The following DNAH12 variants were observed in gnomAD, a reference collection of about 807,000 sequenced individuals.
DNAH12 encodes dynein axonemal heavy chain 12, also known as axonemal beta dynein heavy chain 12.
In DNAH12, 285 loss-of-function variants were observed where a neutral mutation model predicts 371.5. That is an observed-to-expected ratio of 0.77 (90% CI 0.70 to 0.85). The LOEUF is 0.85. Ranked by LOEUF, DNAH12 falls within the 40% of genes least tolerant of loss-of-function variation. The pLI is 0.00. For missense variants in DNAH12, 3,611 were observed against 3,689.4 expected (o/e 0.98, Z 0.55); for synonymous variants, 1,200 against 1,213.0 (o/e 0.99, Z 0.22).
At chr3:57,390,735 A>C (rs1484192422) in intron 45 of DNAH12, among the ~76,000 whole-genome samples, 2 of 151,968 alleles carry the variant, frequency 1.3e-5, no homozygotes, top group East Asian at 3.9e-4. Flanking sequence ...AGTGGCCTTC[A>C]TCATTTGCTT....
At chr3:57,356,488 T>TAAAGAAAG (rs1363080087) in intron 59 of DNAH12, among the ~76,000 whole-genome samples, 12 of 141,660 alleles carry the variant, frequency 8.5e-5, no homozygotes, top group African/African-American at 3.1e-4. Context: ...AATAAATAAA[T>TAAAGAAAG]AAAATAAAGA....
chr3:57,494,195 G>C (rs549774683), intron 11 of DNAH12, among the ~76,000 whole-genome samples: 1 of 152,172 alleles, frequency 6.6e-6, no homozygotes, highest in Admixed American at 6.5e-5. Flanking sequence ...TTCTACCATT[G>C]CACTCCAGTC....
At chr3:57,309,281 A>C in intron 68 of DNAH12, 27 bp from the exon 69 acceptor site, 4 of 1,505,162 alleles carry the variant, frequency 2.7e-6, no homozygotes, top group Non-Finnish European at 2.7e-6. Flanking sequence ...TGAAGATCAC[A>C]AATTATTCTC....
intron 67 of DNAH12, among the ~76,000 whole-genome samples, chr3:57,310,133 T>C (rs1461042388): frequency 6.6e-6 from 1 of 152,196 alleles, no homozygotes; most frequent in Non-Finnish European, 1.5e-5. Flanking sequence ...GGCACTGAGA[T>C]GAGTCTGTAT....
At chr3:57,364,271 T>C (rs2062999761) in intron 57 of DNAH12, among the ~76,000 whole-genome samples, 1 of 152,172 alleles carries the variant, frequency 6.6e-6, no homozygotes, top group Admixed American at 6.6e-5. Context: ...TAACACAGTC[T>C]ACCATGGAAT....
At chr3:57,447,570 A>C (rs1575612443) in intron 25 of DNAH12, among the ~76,000 whole-genome samples, 1 of 152,258 alleles carries the variant, frequency 6.6e-6, no homozygotes, top group Non-Finnish European at 1.5e-5. Flanking sequence ...CTTTAAAAAT[A>C]AGTAAACCAC....
At chr3:57,491,922 C>T (rs1007550988) in intron 11 of DNAH12, among the ~76,000 whole-genome samples, 2 of 152,060 alleles carry the variant, frequency 1.3e-5, no homozygotes, top group African/African-American at 4.8e-5. Context: ...GGGAGGAACA[C>T]TTGAGCCCAG....
At chr3:57,450,071 A>C (rs1197951902) in intron 25 of DNAH12, among the ~76,000 whole-genome samples, 1 of 152,186 alleles carries the variant, frequency 6.6e-6, no homozygotes, top group Non-Finnish European at 1.5e-5. Flanking sequence ...AACATGGTGA[A>C]ACCCTGTCTC....
Position 57,405,014 on chromosome 3 carries a change from T to A in DNAH12, c.6710A>T (p.Glu2237Val), listed in dbSNP as rs1553680545. ...TCTTGTTTTGTGTGTTTGATTATAC[T>A]CATCTAAGCACTGGTCCACAACATC... ...FSDVVDQCLD[E>V]YNQTHKTRMN... is the part of the protein sequence containing the mutation. The change falls in exon 42 of 74, where the codon GAG becomes GTG. Residue 2237 changes from glutamate to valine, a missense_variant. Glu to Val is a moderately radical substitution (Grantham distance 121). Coordinates refer to ENST00000495027, the MANE Select transcript of DNAH12 (RefSeq NM_001366028.2). 2 of 1,535,610 alleles carry A rather than the reference T, an allele frequency of 1.3e-6. No individual in the cohort carries two copies. The highest frequency in any genetic ancestry group is 1.8e-6 in the Non-Finnish European group (2 of 1,142,358).
intron 66 of DNAH12, among the ~76,000 whole-genome samples, chr3:57,312,348 T>C (rs2061599193): frequency 6.6e-6 from 1 of 152,162 alleles, no homozygotes; most frequent in South Asian, 2.1e-4. Context: ...TTCAACTGGG[T>C]TCCTTCCCCT....
intron 34 of DNAH12, among the ~76,000 whole-genome samples, chr3:57,426,313 G>C (rs1274335015): frequency 6.6e-6 from 1 of 152,076 alleles, no homozygotes; most frequent in African/African-American, 2.4e-5. Context: ...TTCCAAGGGA[G>C]GGTTTTAAAT....
intron 62 of DNAH12, 87 bp from the exon 63 acceptor site, chr3:57,323,706 A>T: frequency 7.4e-7 from 1 of 1,344,886 alleles, no homozygotes; most frequent in Admixed American, 3.4e-5. Context: ...CAAAGAATAC[A>T]ATTTGAGCCT....
intron 40 of DNAH12, among the ~76,000 whole-genome samples, chr3:57,407,197 A>G (rs1347697540): frequency 6.6e-6 from 1 of 150,670 alleles, no homozygotes; most frequent in Non-Finnish European, 1.5e-5. Flanking sequence ...GCGCCCAGCC[A>G]ACGTTTTTTA....
At chr3:57,406,921 A>T (rs2064047588) in intron 40 of DNAH12, among the ~76,000 whole-genome samples, 1 of 152,110 alleles carries the variant, frequency 6.6e-6, no homozygotes, top group African/African-American at 2.4e-5. Context: ...TATTTTTGAG[A>T]TGGAGTCTCA....
chr3:57,411,526 CAAAAAAAAAAAAA>C lies in DNAH12; in HGVS notation c.6020+2207_6020+2219del, dbSNP rs57344840. On this transcript the variant is annotated intron_variant, in intron 39 of 73. Coordinates refer to ENST00000495027, the MANE Select transcript of DNAH12 (RefSeq NM_001366028.2). ...TGGGTGACAGAGTGAGACACTGTCT[CAAAAAAAAAAAAA>C]AAAAAAAAAAAAAAAAGAAAGAAAG... Among the ~76,000 whole-genome samples, 89 of 39,156 alleles carry C rather than the reference CAAAAAAAAAAAAA, an allele frequency of 2.3e-3. 6 individuals carry two copies. The South Asian group carries it at 0.052, about 23-fold the overall frequency. The allele number at this position is 39,156 out of a possible 152,430, so 25.7% of individuals were successfully genotyped here. A position where few individuals can be genotyped will look rare whatever the true frequency, so the allele number is the denominator to read the frequency against.
intron 43 of DNAH12, among the ~76,000 whole-genome samples, chr3:57,398,514 A>G (rs1427114845): frequency 6.6e-6 from 1 of 152,224 alleles, no homozygotes; most frequent in African/African-American, 2.4e-5. Context: ...AAACTGTCAA[A>G]AGTCAGATAC....
intron 70 of DNAH12, among the ~76,000 whole-genome samples, chr3:57,299,591 C>T (rs1006369143): frequency 6.6e-6 from 1 of 152,098 alleles, no homozygotes; most frequent in East Asian, 1.9e-4. Context: ...TTGAAACCCT[C>T]ATCTCCAAGG....
intron 2 of DNAH12, 117 bp from the exon 3 acceptor site, chr3:57,524,001 G>T: frequency 1.6e-6 from 1 of 620,942 alleles, no homozygotes; most frequent in Non-Finnish European, 2.5e-6. Context: ...TTATCTTACT[G>T]AATTTTTTAT....
intron 4 of DNAH12, chr3:57,520,068 GGCTCTGT>G: frequency 8.1e-6 from 4 of 491,866 alleles, no homozygotes; most frequent in Non-Finnish European, 1.4e-5. Context: ...AGGCTGTGGC[GGCTCTGT>G]GGCTACAGCG....
Sources: allele counts gnomAD v4.1 joint callset (sites outside exome capture counted in the v4.1 genomes callset), GRCh38; gene constraint gnomAD v4.1.1; transcripts MANE v1.5; gene names NCBI Gene and HGNC (gene_info 2026-07-23, HGNC 2026-07-21).